Variants in IPO11 observed in about 807,000 individuals in gnomAD.
The protein encoded by IPO11 is importin-11.
Under a neutral mutation model 143.2 loss-of-function variants are expected in IPO11, and 66 were observed. The observed-to-expected ratio is 0.46, with a 90% CI of 0.38 to 0.57. The LOEUF is 0.57. IPO11 is among the 20% of genes least tolerant of loss of function. IPO11 has a pLI of 0.00. For missense variants in IPO11, 1,026 were observed against 1,141.0 expected, an observed-to-expected ratio of 0.90 and a Z score of 1.45; for synonymous variants, 385 against 377.8, an observed-to-expected ratio of 1.02 and a Z score of -0.22.
At chr5:62,511,896 G>GA (rs1407684129) in intron 19 of IPO11, among the ~76,000 whole-genome samples, 5 of 151,676 alleles carry the variant, frequency 3.3e-5, no homozygotes, top group Non-Finnish European at 7.4e-5. Context: ...CACCCGGCAG[G>GA]AAAAAACAAA....
At position 62,452,662 on chromosome 5, in the gene IPO11, CGTGT is replaced by C. The variant is rs138539006; in HGVS notation, c.516+750_516+753del. Among the ~76,000 whole-genome samples, 454 of 140,208 alleles carry C rather than the reference CGTGT, an allele frequency of 3.2e-3. 4 individuals carry two copies. The highest frequency in any genetic ancestry group is 0.01 in the Middle Eastern group (3 of 286). 92.0% of individuals were successfully genotyped at this position (140,208 alleles called of 152,430 possible). On this transcript the variant is annotated intron_variant, in intron 5 of 29. Transcript: ENST00000325324. ...TGCACCTTTTTTTTGGTTTTGGGTT[CGTGT>C]GTGTGTGTGTGTGTGTGTGTATGTT... is the stretch of plus-strand genomic sequence containing the variant.
chr5:62,501,840 C>T (rs1232854705), intron 16 of IPO11, among the ~76,000 whole-genome samples: 1 of 152,082 alleles, frequency 6.6e-6, no homozygotes, highest in African/African-American at 2.4e-5. Context: ...TTTATTTCTC[C>T]TTAGCATATT....
intron 15 of IPO11, among the ~76,000 whole-genome samples, chr5:62,491,917 G>A (rs574995833): frequency 1.3e-5 from 2 of 151,878 alleles, no homozygotes; most frequent in East Asian, 1.9e-4. Flanking sequence ...TGATCTGCCC[G>A]CCTTGGCCTC....
At chr5:62,448,203 A>G (rs1461543222) in intron 3 of IPO11, among the ~76,000 whole-genome samples, 1 of 151,970 alleles carries the variant, frequency 6.6e-6, no homozygotes, top group African/African-American at 2.4e-5. Flanking sequence ...ATAACAAGAT[A>G]GCTACTAGAT....
intron 8 of IPO11, 52 bp from the exon 9 acceptor site, chr5:62,476,631 G>T (rs1046357962): frequency 2.7e-6 from 4 of 1,463,542 alleles, no homozygotes; most frequent in Non-Finnish European, 3.7e-6. Flanking sequence ...TTTTGATGTT[G>T]TCTTGGTTGT....
chr5:62,598,283 G>A (rs908789883), intron 28 of IPO11, among the ~76,000 whole-genome samples: 3 of 151,936 alleles, frequency 2.0e-5, no homozygotes, highest in Non-Finnish European at 4.4e-5. Flanking sequence ...CAGATTCAGG[G>A]TTCAATTAGG....
chr5:62,426,754 C>T (rs961490661), intron 1 of IPO11, among the ~76,000 whole-genome samples: 9 of 150,030 alleles, frequency 6.0e-5, no homozygotes, highest in African/African-American at 7.3e-5. Flanking sequence ...TACTGCTTGT[C>T]TTTTTGTAGG....
At chr5:62,580,613 G>A (rs556264039) in intron 27 of IPO11, 33 of 1,551,364 alleles carry the variant, frequency 2.1e-5, no homozygotes, top group Non-Finnish European at 2.4e-5. Context: ...CCATCCATGC[G>A]TGGCAGAGCA....
intron 27 of IPO11, among the ~76,000 whole-genome samples, chr5:62,564,595 G>A (rs866837265): frequency 6.6e-6 from 1 of 151,864 alleles, no homozygotes; most frequent in Non-Finnish European, 1.5e-5. Context: ...ATTTTTTGTG[G>A]GAGGGTGTCC....
chr5:62,425,632 T>C (rs1394363523), intron 1 of IPO11, among the ~76,000 whole-genome samples: 2 of 152,178 alleles, frequency 1.3e-5, no homozygotes, highest in Non-Finnish European at 2.9e-5. Context: ...CAAATTATTT[T>C]TACAGCTTTA....
chr5:62,530,948 G>A (rs1016017594), intron 22 of IPO11, among the ~76,000 whole-genome samples, 163 bp downstream of exon 22: 2 of 152,322 alleles, frequency 1.3e-5, no homozygotes, highest in South Asian at 2.1e-4. Flanking sequence ...ATTGCGTGAT[G>A]TTGAGGTTTG....
Position 62,628,430 on chromosome 5 carries a change from T to C in IPO11, c.*1112T>C, listed in dbSNP as rs1251195156. The C allele has an allele frequency of 5.2e-5, 8 of 152,654 alleles. No individual in the cohort carries two copies. The highest frequency in any genetic ancestry group is 2.6e-4 in the Admixed American group (4 of 15,284). The allele number at this position is 152,654 out of a possible 1,614,324, so 9.5% of individuals were successfully genotyped here. ...CTCAAAAGCAAGGTTGGAAAATGTTTTATCTTTCTATAGAAAGTTGGGTAC... is the reference window on the plus strand; with the variant it reads ...CTCAAAAGCAAGGTTGGAAAATGTTCTATCTTTCTATAGAAAGTTGGGTAC... On this transcript the variant is annotated 3_prime_UTR_variant, in exon 30 of 30. Coordinates refer to ENST00000325324, the MANE Select transcript of IPO11 (RefSeq NM_016338.5).
chr5:62,598,649 G>A (rs1336914557), intron 28 of IPO11, among the ~76,000 whole-genome samples: 1 of 149,492 alleles, frequency 6.7e-6, no homozygotes, highest in Non-Finnish European at 1.5e-5. Flanking sequence ...GGTTCAAGCA[G>A]TTCTCTCATC....
rs971040276 is a variant in IPO11 at position 62,487,726 on chromosome 5, G to T, written c.1219-45G>T. 8 of 1,490,372 alleles carry T rather than the reference G, an allele frequency of 5.4e-6. No homozygotes were observed. The African/African-American group carries it at 1.1e-4, about 21-fold the overall frequency. The allele number at this position is 1,490,372 out of a possible 1,614,324, so 92.3% of individuals were successfully genotyped here. ...CTTTATTAAAGAATTAGTCAATATAGTATGCAACTGTTTTGATGAGAAATT... is the reference window on the plus strand; with the variant it reads ...CTTTATTAAAGAATTAGTCAATATATTATGCAACTGTTTTGATGAGAAATT... On this transcript the variant is annotated intron_variant, in intron 12 of 29. Transcript: ENST00000325324.
chr5:62,467,287 A>G (rs764373877), intron 6 of IPO11, 24 bp downstream of exon 6: 110 of 1,598,404 alleles, frequency 6.9e-5, no homozygotes, highest in Non-Finnish European at 8.9e-5. Context: ...TGATATGTTC[A>G]TTTTTGAAAT....
intron 28 of IPO11, among the ~76,000 whole-genome samples, chr5:62,597,425 A>G (rs1745267122): frequency 6.6e-6 from 1 of 152,224 alleles, no homozygotes. Context: ...CAGTGTCTTC[A>G]GGGCTGTACC....
intron 27 of IPO11, chr5:62,579,889 G>A: frequency 6.4e-7 from 1 of 1,550,864 alleles, no homozygotes; most frequent in Non-Finnish European, 8.7e-7. Context: ...TCCGAGAGGA[G>A]TATTTAATGA....
chr5:62,465,778 C>T (rs1745552647), intron 5 of IPO11, among the ~76,000 whole-genome samples: 2 of 152,212 alleles, frequency 1.3e-5, no homozygotes, highest in South Asian at 4.1e-4. Context: ...TACAGTGAAC[C>T]ACTTTTAGAT....
chr5:62,511,622 A>G (rs1561341816), intron 19 of IPO11, among the ~76,000 whole-genome samples: 1 of 152,196 alleles, frequency 6.6e-6, no homozygotes, highest in Non-Finnish European at 1.5e-5. Flanking sequence ...CTACCCTTTT[A>G]GAGTATTTTA....
Sources: allele counts gnomAD v4.1 joint callset (sites outside exome capture counted in the v4.1 genomes callset), GRCh38; gene constraint gnomAD v4.1.1; transcripts MANE v1.5; gene names NCBI Gene and HGNC (gene_info 2026-07-23, HGNC 2026-07-21).